Variants in GIGYF2 observed in about 807,000 individuals in gnomAD.
GIGYF2 encodes GRB10-interacting GYF protein 2.
Under a neutral mutation model 208.1 loss-of-function variants are expected in GIGYF2, and 25 were observed. That is an observed-to-expected ratio of 0.12 (90% CI 0.09 to 0.17). The LOEUF is 0.17. Ranked by LOEUF, GIGYF2 falls within the 10% of genes least tolerant of loss-of-function variation. GIGYF2 has a pLI of 1.00. For missense variants in GIGYF2, 1,302 were observed against 1,579.4 expected, an observed-to-expected ratio of 0.82 and a Z score of 2.98; for synonymous variants, 534 against 543.8, an observed-to-expected ratio of 0.98 and a Z score of 0.25.
chr2:232,771,091 G>A (rs1177395186), intron 8 of GIGYF2: 2 of 1,613,968 alleles, frequency 1.2e-6, no homozygotes, highest in Admixed American at 1.7e-5. Context: ...TTCAGGTGGG[G>A]CATCATGATC....
intron 8 of GIGYF2, among the ~76,000 whole-genome samples, chr2:232,786,613 G>T (rs1008815197): frequency 6.6e-6 from 1 of 152,208 alleles, no homozygotes; most frequent in African/African-American, 2.4e-5. Flanking sequence ...AGAATCACCA[G>T]TAGGTGTTGG....
At chr2:232,823,044 T>G (rs1701141529) in intron 21 of GIGYF2, among the ~76,000 whole-genome samples, 1 of 152,168 alleles carries the variant, frequency 6.6e-6, no homozygotes, top group Non-Finnish European at 1.5e-5. Context: ...TACTGAAAGT[T>G]TTTCAATGAA....
intron 5 of GIGYF2, among the ~76,000 whole-genome samples, chr2:232,749,724 C>T (rs950146300): frequency 1.4e-4 from 22 of 151,978 alleles, no homozygotes; most frequent in East Asian, 5.8e-4. Flanking sequence ...GGCATCCATA[C>T]GGGAAGAAGA....
rs1700067081 is a variant in GIGYF2, at chr2:232,791,422, G to A, written c.1258G>A (p.Ala420Thr). The change falls in exon 12 of 29, where the codon GCC becomes ACC. Residue 420 changes from alanine to threonine, a missense_variant. Ala to Thr is a moderately conservative substitution (Grantham distance 58, BLOSUM62 0). This residue lies in a region of GIGYF2 where 235 missense variants were observed against 218.8 expected (regional missense o/e 1.07). Coordinates refer to ENST00000373563, the MANE Select transcript of GIGYF2 (RefSeq NM_001103146.3). ...GACTCGGATGGAAAATAGTCTACCAGCCAAAGTGCCCAGCAGAGGGGATGG... is the reference window on the plus strand; with the variant it reads ...GACTCGGATGGAAAATAGTCTACCAACCAAAGTGCCCAGCAGAGGGGATGG... Reference protein sequence around the residue: ...EETRMENSLPAKVPSRGDEMV... With the variant: ...EETRMENSLPTKVPSRGDEMV... 1 of 1,613,792 alleles carries A rather than the reference G, an allele frequency of 6.2e-7. No individual in the cohort carries two copies. The highest frequency in any genetic ancestry group is 8.5e-7 in the Non-Finnish European group (1 of 1,179,936).
At chr2:232,815,935 T>G in intron 19 of GIGYF2, 198 bp downstream of exon 19, 4 of 563,324 alleles carry the variant, frequency 7.1e-6, no homozygotes, top group Non-Finnish European at 6.4e-6. Flanking sequence ...GAATTTAAAT[T>G]ACTATGTTTG....
At chr2:232,741,363 C>A (rs567098509) in intron 3 of GIGYF2, among the ~76,000 whole-genome samples, 2 of 152,070 alleles carry the variant, frequency 1.3e-5, no homozygotes, top group South Asian at 4.2e-4. Flanking sequence ...ATTGCTATCA[C>A]CTTAGTGAAA....
chr2:232,841,224 T>C (rs1272024350), intron 23 of GIGYF2, among the ~76,000 whole-genome samples: 1 of 152,192 alleles, frequency 6.6e-6, no homozygotes, highest in Non-Finnish European at 1.5e-5. Context: ...ATAATAATAG[T>C]GGTAATGACA....
chr2:232,778,368 A>G (rs776224930), intron 8 of GIGYF2, among the ~76,000 whole-genome samples: 2 of 152,242 alleles, frequency 1.3e-5, no homozygotes, highest in Non-Finnish European at 2.9e-5. Context: ...TTAAGAAAGA[A>G]ATGTCTTAAG....
chr2:232,835,760 C>T (rs908171596), intron 22 of GIGYF2, among the ~76,000 whole-genome samples: 5 of 152,084 alleles, frequency 3.3e-5, no homozygotes, highest in African/African-American at 7.2e-5. Flanking sequence ...AGAGTGACTC[C>T]GAGGTGACCG....
intron 9 of GIGYF2, 102 bp downstream of exon 9, chr2:232,787,431 G>C: frequency 9.8e-7 from 1 of 1,017,788 alleles, no homozygotes; most frequent in Non-Finnish European, 1.5e-6. Context: ...AAAAAATGTG[G>C]GGGTGGATTC....
At chr2:232,795,037 C>G (rs1700182692) in intron 13 of GIGYF2, 93 bp downstream of exon 13, 1 of 960,850 alleles carries the variant, frequency 1.0e-6, no homozygotes, top group Non-Finnish European at 1.7e-6. Context: ...ACTTTTGTCA[C>G]TAGATTTTAA....
intron 7 of GIGYF2, 45 bp from the exon 8 acceptor site, chr2:232,761,351 A>G (rs575623451): frequency 1.5e-5 from 19 of 1,305,280 alleles, no homozygotes; most frequent in Middle Eastern, 1.8e-4. Flanking sequence ...TAGGAAATCT[A>G]TATCACTGTG....
chr2:232,735,167 A>T lies in GIGYF2; in HGVS notation c.-31A>T. 1.3e-6 allele frequency: 2 copies of T among 1,517,838 alleles called. No individual in the cohort carries two copies. Among genetic ancestry groups the T allele is most frequent in the Non-Finnish European group, 1.8e-6 (2 of 1,092,766 alleles). 94.0% of individuals were successfully genotyped at this position (1,517,838 alleles called of 1,614,324 possible). A position where few individuals can be genotyped will look rare whatever the true frequency, so the allele number is the denominator to read the frequency against. ...TTCTCGTTAACAGGTTTCTTCACAT[A>T]TAAAAATCTATTGTAAAAATACGGA... is the stretch of plus-strand genomic sequence containing the variant. On this transcript the variant is annotated 5_prime_UTR_variant, in exon 3 of 29. Coordinates refer to ENST00000373563, the MANE Select transcript of GIGYF2 (RefSeq NM_001103146.3).
At chr2:232,765,250 A>G (rs959842432) in intron 8 of GIGYF2, 7 of 151,972 alleles carry the variant, frequency 4.6e-5, no homozygotes, top group African/African-American at 1.7e-4. Context: ...TATATCTTAC[A>G]CTCTCCAAGA....
chr2:232,844,880 C>T (rs1162315685), intron 25 of GIGYF2, among the ~76,000 whole-genome samples: 2 of 152,150 alleles, frequency 1.3e-5, no homozygotes, highest in Non-Finnish European at 2.9e-5. Flanking sequence ...CCAAGGTATT[C>T]TCTAGATACC....
At chr2:232,850,084 G>T (rs747740425) in intron 27 of GIGYF2, among the ~76,000 whole-genome samples, 178 bp from the exon 28 acceptor site, 4 of 152,184 alleles carry the variant, frequency 2.6e-5, no homozygotes, top group Non-Finnish European at 5.9e-5. Context: ...TCTAAATAGA[G>T]GAAAATGGTG....
At chr2:232,751,658 G>C (rs1179333743) in intron 5 of GIGYF2, among the ~76,000 whole-genome samples, 2 of 151,578 alleles carry the variant, frequency 1.3e-5, no homozygotes, top group Non-Finnish European at 2.9e-5. Flanking sequence ...TGATTTCCTA[G>C]ATTTCTTAGA....
At position 232,846,071 on chromosome 2, in the gene GIGYF2, C is replaced by G. The variant is rs370971681; in HGVS notation, c.3460+185C>G. Among the ~76,000 whole-genome samples, 3 of 152,176 alleles carry G rather than the reference C, an allele frequency of 2.0e-5. No individual in the cohort carries two copies. The East Asian group carries it at 5.8e-4, about 29-fold the overall frequency. On this transcript the variant is annotated intron_variant, in intron 26 of 28. Coordinates refer to ENST00000373563, the MANE Select transcript of GIGYF2 (RefSeq NM_001103146.3). ...GTGAGAAAAGTCCAGTAATACTAAA[C>G]TCAAATAGATTATTGGTGGTTGTCA...
Position 232,813,881 on chromosome 2 carries a change from ATTTT to A in GIGYF2, c.2107+1411_2107+1414del, listed in dbSNP as rs397871962. On this transcript the variant is annotated intron_variant, in intron 18 of 28. Coordinates refer to ENST00000373563, the MANE Select transcript of GIGYF2 (RefSeq NM_001103146.3). ...AGCATTGACATGATTTCACAAGTGGATTTTTTTTTTTTTTTTTTTTTTTTGAGAC... is the reference window on the plus strand; with the variant it reads ...AGCATTGACATGATTTCACAAGTGGATTTTTTTTTTTTTTTTTTTTGAGAC... 9.7e-3 allele frequency among the ~76,000 whole-genome samples: 712 copies of A among 73,560 alleles called. 5 individuals are homozygous for A. The highest frequency in any genetic ancestry group is 0.032 in the African/African-American group (642 of 20,260). 48.3% of individuals were successfully genotyped at this position (73,560 alleles called of 152,430 possible).
Sources: gnomAD v4.1 joint callset for allele counts (sites outside exome capture counted in the v4.1 genomes callset) on GRCh38, gnomAD v4.1.1 for gene constraint, gnomAD v4.1.1 regional missense constraint, MANE v1.5 for transcripts, NCBI Gene and HGNC (gene_info 2026-07-23, HGNC 2026-07-21) for gene names.